CLIP2: variants seen among roughly 807,000 people sequenced by gnomAD.
CLIP2 encodes CAP-Gly domain-containing linker protein 2.
A neutral mutation model predicts 111.7 loss-of-function variants in CLIP2; 41 were observed. The ratio of observed to expected loss-of-function variants is 0.37; its 90% CI spans 0.29 to 0.48. The LOEUF (loss-of-function observed/expected upper bound fraction) is 0.48, where lower values mean the gene tolerates loss of function less well. Ranked by LOEUF, CLIP2 falls within the 20% of genes least tolerant of loss-of-function variation. The pLI is 0.99. For synonymous variants in CLIP2, 660 were observed against 644.2 expected (o/e 1.02, Z -0.37); for missense variants, 1,160 against 1,422.1 (o/e 0.82, Z 2.96).
At chr7:74,372,825 T>G in intron 8 of CLIP2, 107 bp from the exon 9 acceptor site, 1 of 319,626 alleles carries the variant, frequency 3.1e-6, no homozygotes, top group Non-Finnish European at 5.7e-6. Flanking sequence ...TGACGCCTCC[T>G]CTCTCTCTCT....
At chr7:74,382,258 ATT>A (rs1246167474) in intron 11 of CLIP2, among the ~76,000 whole-genome samples, 1 of 72,734 alleles carries the variant, frequency 1.4e-5, no homozygotes, top group Non-Finnish European at 2.9e-5. Context: ...TAATTTTTGT[ATT>A]TTTTTTTTTA....
At position 74,381,029 on chromosome 7, in the gene CLIP2, G is replaced by C. The variant is rs1485058557; in HGVS notation, c.2479+166G>C. The stretch of plus-strand genomic sequence containing the variant: ...CCTGCAAGGGAGGAGGCCAGTTTAC[G>C]GAGGGATAGGCATTGCACCAGCCTT... On this transcript the variant is annotated intron_variant, in intron 11 of 16. Coordinates refer to ENST00000223398, the MANE Select transcript of CLIP2 (RefSeq NM_003388.5). The C allele has an allele frequency of 4.9e-6, 3 of 612,140 alleles. No homozygotes were observed. In the African/African-American group the frequency reaches 5.4e-5, roughly 11 times the overall value. The allele number at this position is 612,140 out of a possible 1,614,324, so 37.9% of individuals were successfully genotyped here. A position where few individuals can be genotyped will look rare whatever the true frequency, so the allele number is the denominator to read the frequency against.
intron 10 of CLIP2, among the ~76,000 whole-genome samples, chr7:74,379,121 C>T (rs1030559014): frequency 1.3e-5 from 2 of 152,142 alleles, no homozygotes; most frequent in African/African-American, 4.8e-5. Flanking sequence ...CAGTCCCTGC[C>T]CCTCATTCAC....
intron 1 of CLIP2, among the ~76,000 whole-genome samples, chr7:74,316,623 G>A (rs950902083): frequency 2.6e-5 from 4 of 151,320 alleles, no homozygotes; most frequent in East Asian, 1.9e-4. Flanking sequence ...GTGCAGCAGC[G>A]TGACCTCGGC....
Position 74,338,725 on chromosome 7 carries a change from G to A in CLIP2, c.399G>A (p.Pro133=), listed in dbSNP as rs782204931. The change falls in exon 3 of 17, where the codon CCG becomes CCA. Residue 133 remains proline, a synonymous_variant. Coordinates refer to ENST00000223398, the MANE Select transcript of CLIP2 (RefSeq NM_003388.5). The surrounding 1 kb of genome is among the most constrained non-coding windows in gnomAD (Gnocchi z 4.3). The stretch of plus-strand genomic sequence containing the variant: ...GCGGCGTGCGCTACTTCGAGTGCCC[G>A]GCCCTCCAGGGTATCTTCACGCGGC... ...AVGGVRYFEC[P]ALQGIFTRPS... is the part of the protein sequence containing the mutation. 3.1e-6 allele frequency: 5 copies of A among 1,592,808 alleles called. No homozygotes were observed. The highest frequency in any genetic ancestry group is 3.4e-6 in the Non-Finnish European group (4 of 1,172,938).
chr7:74,393,071 T>C (rs1297811305), intron 13 of CLIP2, among the ~76,000 whole-genome samples: 1 of 149,652 alleles, frequency 6.7e-6, no homozygotes, highest in Non-Finnish European at 1.5e-5. Flanking sequence ...AGTCTTACTC[T>C]GTTGCCCAGG....
At chr7:74,361,624 C>T (rs1790333951) in intron 7 of CLIP2, among the ~76,000 whole-genome samples, 1 of 152,146 alleles carries the variant, frequency 6.6e-6, no homozygotes, top group Non-Finnish European at 1.5e-5. Flanking sequence ...CTCATGCGAT[C>T]CTCCCACCTC....
At chr7:74,328,433 G>A (rs1177817700) in intron 2 of CLIP2, among the ~76,000 whole-genome samples, 1 of 152,184 alleles carries the variant, frequency 6.6e-6, no homozygotes, top group Admixed American at 6.5e-5. Flanking sequence ...TCAGCCCAGG[G>A]GGTCCAGGGG....
At chr7:74,374,742 A>C (rs1281505977) in intron 9 of CLIP2, among the ~76,000 whole-genome samples, 1 of 152,188 alleles carries the variant, frequency 6.6e-6, no homozygotes, top group African/African-American at 2.4e-5. Context: ...AAACCAAAAA[A>C]CAAAACAATA....
chr7:74,376,834 C>T lies in CLIP2; in HGVS notation c.2421+12C>T, dbSNP rs782714648. 8.3e-6 allele frequency: 13 copies of T among 1,558,294 alleles called. No individual in the cohort carries two copies. In the South Asian group the frequency reaches 1.1e-4, roughly 13 times the overall value. Reference sequence around the variant, plus strand: ...CCCAGCACACCCACGTAGGCGCCTGCCCCTCCTGCTGGGGCGGGAGGGTCG... The same window carrying T: ...CCCAGCACACCCACGTAGGCGCCTGTCCCTCCTGCTGGGGCGGGAGGGTCG... On this transcript the variant is annotated intron_variant, in intron 10 of 16. Transcript: ENST00000223398. This position sits in a 1 kb window ranked among gnomAD's most constrained non-coding sequence, Gnocchi z 7.1.
chr7:74,310,279 C>T (rs1788609292), intron 1 of CLIP2, among the ~76,000 whole-genome samples: 1 of 151,684 alleles, frequency 6.6e-6, no homozygotes, highest in African/African-American at 2.4e-5. Flanking sequence ...AATCTCAGCA[C>T]TTTGGTAGGC....
intron 2 of CLIP2, among the ~76,000 whole-genome samples, chr7:74,331,187 C>T (rs1437033402): frequency 1.8e-5 from 2 of 108,146 alleles, no homozygotes; most frequent in African/African-American, 7.6e-5. Context: ...GCCTGAGCGA[C>T]AGAGTGAGAC....
intron 1 of CLIP2, among the ~76,000 whole-genome samples, chr7:74,306,324 C>T (rs1171071612): frequency 3.3e-5 from 5 of 152,214 alleles, no homozygotes; most frequent in African/African-American, 1.2e-4. Context: ...GCTGCTGGGA[C>T]CCCCGAGGGC....
intron 2 of CLIP2, among the ~76,000 whole-genome samples, chr7:74,324,232 T>TC (rs1256062253): frequency 1.3e-5 from 2 of 152,164 alleles, no homozygotes; most frequent in Non-Finnish European, 2.9e-5. Context: ...CCTCAGGTGA[T>TC]CCTCCCGCCT....
intron 4 of CLIP2, among the ~76,000 whole-genome samples, chr7:74,355,738 A>G (rs1390814480): frequency 6.6e-6 from 1 of 152,224 alleles, no homozygotes; most frequent in Non-Finnish European, 1.5e-5. Context: ...TGTTTGCAAG[A>G]TGAATGTTTC....
rs1161168711 is a variant in CLIP2, at chr7:74,404,828, G to A, written c.*980G>A. 2.6e-5 allele frequency: 4 copies of A among 152,184 alleles called. No individual in the cohort carries two copies. Among genetic ancestry groups the A allele is most frequent in the Admixed American group, 6.5e-5 (1 of 15,270 alleles). The allele number at this position is 152,184 out of a possible 1,614,324, so 9.4% of individuals were successfully genotyped here. On this transcript the variant is annotated 3_prime_UTR_variant, in exon 17 of 17. Coordinates refer to ENST00000223398, the MANE Select transcript of CLIP2 (RefSeq NM_003388.5). ...ACAGAGGGACCACGTGTGCACGCATGACCGTGTGGGTGGCGGCGTTTGCTG... is the reference window on the plus strand; with the variant it reads ...ACAGAGGGACCACGTGTGCACGCATAACCGTGTGGGTGGCGGCGTTTGCTG...
chr7:74,330,333 T>C (rs1554731143), intron 2 of CLIP2, among the ~76,000 whole-genome samples: 1 of 151,036 alleles, frequency 6.6e-6, no homozygotes, highest in Non-Finnish European at 1.5e-5. Context: ...CTCGGCTCAC[T>C]GCAATCTCCA....
At chr7:74,320,022 C>G (rs1788901603) in intron 2 of CLIP2, among the ~76,000 whole-genome samples, 1 of 142,624 alleles carries the variant, frequency 7.0e-6, no homozygotes, top group African/African-American at 2.6e-5. Flanking sequence ...AGGAGACCAG[C>G]CTGGCCAACA....
At position 74,376,589 on chromosome 7, in the gene CLIP2, C is replaced by A; in HGVS notation, c.2188C>A (p.Leu730Met). Residue 730 changes from leucine to methionine, a missense_variant, in exon 10 of 17, where the codon CTG becomes ATG. By Grantham distance (15) the Leu-to-Met change is conservative. Coordinates refer to ENST00000223398, the MANE Select transcript of CLIP2 (RefSeq NM_003388.5). This position sits in a 1 kb window ranked among gnomAD's most constrained non-coding sequence, Gnocchi z 7.1. ...CCAGGACCAGCGCCGGGATGCCGAG[C>A]TGCGTGTGCACGAGCTGGAAAAACT... The part of the protein sequence containing the change: ...EAQDQRRDAE[L>M]RVHELEKLDV... The A allele has an allele frequency of 1.9e-6, 3 of 1,612,088 alleles. No homozygotes were observed. The highest frequency in any genetic ancestry group is 2.5e-6 in the Non-Finnish European group (3 of 1,179,414).
Sources: gnomAD v4.1 joint callset for allele counts (sites outside exome capture counted in the v4.1 genomes callset) on GRCh38, gnomAD v4.1.1 for gene constraint, Gnocchi (gnomAD v3.1) non-coding constraint, MANE v1.5 for transcripts, NCBI Gene and HGNC (gene_info 2026-07-23, HGNC 2026-07-21) for gene names.